DAD1: variants seen among roughly 807,000 people sequenced by gnomAD.
DAD1 encodes defender against cell death 1, also known as dolichyl-diphosphooligosaccharide--protein glycosyltransferase subunit DAD1.
A neutral mutation model predicts 9.0 loss-of-function variants in DAD1; 4 were observed. The observed-to-expected ratio is 0.44, with a 90% CI of 0.22 to 1.01. The LOEUF is 1.01. Among genes scored for constraint, DAD1 ranks in the 50% least tolerant of loss-of-function variants. The probability of loss-of-function intolerance (pLI) is 0.24; values close to 1 mark genes in which losing one functional copy is unlikely to be tolerated. For missense variants in DAD1, 119 were observed against 137.3 expected, an observed-to-expected ratio of 0.87 and a Z score of 0.67; for synonymous variants, 60 against 62.5, an observed-to-expected ratio of 0.96 and a Z score of 0.19.
At chr14:22,580,100 G>A (rs540883370) in intron 1 of DAD1, among the ~76,000 whole-genome samples, 1 of 151,848 alleles carries the variant, frequency 6.6e-6, no homozygotes, top group Admixed American at 6.6e-5. Context: ...TTACAGACAT[G>A]AGCCCCCACA....
At chr14:22,566,312 G>A (rs1026520477) in intron 2 of DAD1, among the ~76,000 whole-genome samples, 1 of 151,070 alleles carries the variant, frequency 6.6e-6, no homozygotes, top group Non-Finnish European at 1.5e-5. Context: ...TCTGGCAATA[G>A]ACTATCAGCC....
chr14:22,583,704 T>C (rs2037133607), intron 1 of DAD1, among the ~76,000 whole-genome samples: 1 of 151,962 alleles, frequency 6.6e-6, no homozygotes, highest in Non-Finnish European at 1.5e-5. Context: ...AACAGAGGAA[T>C]AATTGCAGAA....
rs200433741 is a variant in DAD1 at position 22,575,267 on chromosome 14, T to C, written c.212-34A>G. The C allele has an allele frequency of 2.3e-5, 37 of 1,607,270 alleles. No individual in the cohort carries two copies. In the East Asian group the frequency reaches 5.8e-4, roughly 25 times the overall value. On this transcript the variant is annotated intron_variant, in intron 1 of 2. Coordinates refer to ENST00000250498, the MANE Select transcript of DAD1 (RefSeq NM_001344.4). ...GAAGCAAAACACAAAAAAATGATTATATAGAAGTATAAAATAAATATGCTA... is the reference window on the plus strand; with the variant it reads ...GAAGCAAAACACAAAAAAATGATTACATAGAAGTATAAAATAAATATGCTA...
intron 1 of DAD1, among the ~76,000 whole-genome samples, chr14:22,586,500 G>A (rs1337264408): frequency 1.3e-5 from 2 of 152,116 alleles, no homozygotes; most frequent in Admixed American, 6.6e-5. Context: ...AACCGAGATC[G>A]CCATTGCACT....
chr14:22,572,051 A>G (rs2037045086), intron 2 of DAD1, among the ~76,000 whole-genome samples: 1 of 152,172 alleles, frequency 6.6e-6, no homozygotes, highest in Admixed American at 6.5e-5. Context: ...AGCATAGCAC[A>G]CACTGAGCAC....
intron 1 of DAD1, among the ~76,000 whole-genome samples, chr14:22,582,778 G>A (rs1594884281): frequency 2.0e-5 from 3 of 152,280 alleles, no homozygotes; most frequent in East Asian, 3.9e-4. Flanking sequence ...GGCCGAGGTG[G>A]GTGAATCACC....
At chr14:22,569,945 G>A (rs573156217) in intron 2 of DAD1, among the ~76,000 whole-genome samples, 1 of 152,134 alleles carries the variant, frequency 6.6e-6, no homozygotes, top group East Asian at 1.9e-4. Flanking sequence ...CCCAGCTTGG[G>A]CAACGTAGCG....
rs775041227 is a variant in DAD1 at position 22,589,207 on chromosome 14, G to A, written c.-50C>T. On this transcript the variant is annotated 5_prime_UTR_variant, in exon 1 of 3. It adds an upstream start codon to the 5' untranslated region. Transcript: ENST00000250498. ...CGCGCCCCAAACTCTTGGAGGACCC[G>A]TCGACCACACCGGATGTGCTGTTTG... 1.9e-6 allele frequency: 3 copies of A among 1,588,130 alleles called. No homozygotes were observed. The highest frequency in any genetic ancestry group is 1.7e-5 in the Admixed American group (1 of 59,632).
chr14:22,579,423 C>T (rs905572835), intron 1 of DAD1, among the ~76,000 whole-genome samples: 6 of 152,174 alleles, frequency 3.9e-5, no homozygotes, highest in Admixed American at 1.3e-4. Context: ...GTCACCATGG[C>T]AACAGTTTTC....
intron 2 of DAD1, among the ~76,000 whole-genome samples, chr14:22,571,313 C>CAATAAAAAA (rs2037037857): frequency 8.7e-6 from 1 of 115,382 alleles, no homozygotes; most frequent in African/African-American, 3.6e-5. Flanking sequence ...GACTCTGTCT[C>CAATAAAAAA]AAAAAAAAAA....
chr14:22,583,132 T>A (rs1381087728), intron 1 of DAD1, among the ~76,000 whole-genome samples: 1 of 151,782 alleles, frequency 6.6e-6, no homozygotes. Flanking sequence ...AGACATCAAG[T>A]GAAGACATCA....
At chr14:22,579,996 T>C (rs2037104887) in intron 1 of DAD1, among the ~76,000 whole-genome samples, 1 of 150,206 alleles carries the variant, frequency 6.7e-6, no homozygotes, top group Admixed American at 6.6e-5. Flanking sequence ...TGCACCACCA[T>C]GCCTAGCTAA....
intron 1 of DAD1, among the ~76,000 whole-genome samples, chr14:22,583,005 C>CAAA (rs60692589): frequency 3.3e-4 from 30 of 91,650 alleles, no homozygotes; most frequent in African/African-American, 8.9e-4. Context: ...GACTATGTCT[C>CAAA]AAAAAAAAAA....
rs576787543 is a variant in DAD1 at position 22,569,336 on chromosome 14, G to A, written c.*45-4199C>T. On this transcript the variant is annotated intron_variant, in intron 2 of 2. Transcript: ENST00000250498. ...TAGTCCCAGCTACTCAAGAGGCTGAGGCAGGAGAACTGCTTAAACCCAGGA... is the reference window on the plus strand; with the variant it reads ...TAGTCCCAGCTACTCAAGAGGCTGAAGCAGGAGAACTGCTTAAACCCAGGA... Among the ~76,000 whole-genome samples, 21 of 152,098 alleles carry A rather than the reference G, an allele frequency of 1.4e-4. No individual in the cohort carries two copies. The South Asian group carries it at 4.4e-3, about 32-fold the overall frequency.
chr14:22,575,517 A>C (rs528836421), intron 1 of DAD1, among the ~76,000 whole-genome samples: 2 of 152,068 alleles, frequency 1.3e-5, no homozygotes, highest in South Asian at 4.1e-4. Context: ...GATGAATTGC[A>C]CAAGTAAGTT....
chr14:22,565,974 A>T (rs5742866), intron 2 of DAD1, among the ~76,000 whole-genome samples: 7,438 of 152,304 alleles, frequency 0.049, 219 homozygotes, highest in African/African-American at 0.072. Context: ...GGGAAATACT[A>T]CCTTTCAGAA....
chr14:22,576,212 T>C (rs1034983891), intron 1 of DAD1, among the ~76,000 whole-genome samples: 2 of 152,214 alleles, frequency 1.3e-5, no homozygotes, highest in Non-Finnish European at 2.9e-5. Context: ...ATGATTCAGG[T>C]TTTCCATTAT....
At chr14:22,580,631 T>C (rs1310045575) in intron 1 of DAD1, among the ~76,000 whole-genome samples, 2 of 152,086 alleles carry the variant, frequency 1.3e-5, no homozygotes, top group Non-Finnish European at 2.9e-5. Flanking sequence ...AAATTGATGT[T>C]ATTATTATTG....
At chr14:22,579,062 T>C (rs1734664930) in intron 1 of DAD1, among the ~76,000 whole-genome samples, 1 of 152,214 alleles carries the variant, frequency 6.6e-6, no homozygotes, top group African/African-American at 2.4e-5. Context: ...ACGCTCATTC[T>C]TGAGAACCTC....
Sources: allele counts gnomAD v4.1 joint callset (sites outside exome capture counted in the v4.1 genomes callset), GRCh38; gene constraint gnomAD v4.1.1; transcripts MANE v1.5; gene names NCBI Gene and HGNC (gene_info 2026-07-23, HGNC 2026-07-21).